DAB1: variants seen among roughly 807,000 people sequenced by gnomAD.
DAB1 encodes disabled homolog 1.
A neutral mutation model predicts 64.6 loss-of-function variants in DAB1; 15 were observed. That is an observed-to-expected ratio of 0.23 (90% CI 0.16 to 0.36). The LOEUF (loss-of-function observed/expected upper bound fraction) is 0.36. DAB1 is among the 10% of genes least tolerant of loss of function. The pLI is 1.00. For synonymous variants in DAB1, 235 were observed against 251.9 expected (o/e 0.93, Z 0.64); for missense variants, 596 against 706.7 (o/e 0.84, Z 1.78).
At position 58,413,312 on chromosome 1, in the gene DAB1, T is replaced by C. The variant is rs1644687573; in HGVS notation, n.258-69909A>G. ...TAAATTCAGCAGGCACCATGCTAGG[T>C]AATTACATTAATTATCTCACTTATT... On this transcript the variant is annotated intron_variant and non_coding_transcript_variant, in intron 3 of 20. Coordinates refer to the DAB1 transcript ENST00000485760. Among the ~76,000 whole-genome samples the C allele has an allele frequency of 1.3e-5, 2 of 152,230 alleles. 1 individual carries two copies. The highest frequency in any genetic ancestry group is 4.1e-4 in the South Asian group (2 of 4,826).
chr1:58,339,816 G>A (rs1263796561), intron 4 of DAB1, among the ~76,000 whole-genome samples: 2 of 152,100 alleles, frequency 1.3e-5, no homozygotes, highest in African/African-American at 4.8e-5. Context: ...AAGATTTTGT[G>A]ACACTATTCA....
At chr1:58,364,087 A>G (rs572863580) in intron 3 of DAB1, among the ~76,000 whole-genome samples, 1 of 152,370 alleles carries the variant, frequency 6.6e-6, no homozygotes, top group African/African-American at 2.4e-5. Flanking sequence ...GAGAATGTTT[A>G]CAGAAGTAGA....
intron 7 of DAB1, among the ~76,000 whole-genome samples, chr1:57,631,995 A>G (rs1248922393): frequency 1.3e-5 from 2 of 152,214 alleles, no homozygotes; most frequent in Non-Finnish European, 2.9e-5. Flanking sequence ...GGAAAGGGTT[A>G]TATCAGGCAC....
chr1:58,223,229 A>G (rs1418790608), intron 4 of DAB1, among the ~76,000 whole-genome samples: 1 of 152,152 alleles, frequency 6.6e-6, no homozygotes. Flanking sequence ...TTGAACCCCG[A>G]ATATCTTATC....
chr1:58,471,271 T>C (rs980210631), intron 3 of DAB1, among the ~76,000 whole-genome samples: 1 of 152,086 alleles, frequency 6.6e-6, no homozygotes, highest in Non-Finnish European at 1.5e-5. Flanking sequence ...ATAAAAGACA[T>C]AGGTAAAAAC....
At chr1:57,159,961 T>G (rs988738679) in intron 2 of DAB1, among the ~76,000 whole-genome samples, 3 of 151,810 alleles carry the variant, frequency 2.0e-5, no homozygotes, top group African/African-American at 7.3e-5. Flanking sequence ...CATGAAGGCT[T>G]GAGGAGCGTA....
chr1:57,186,789 C>T (rs1358738210), intron 2 of DAB1, among the ~76,000 whole-genome samples: 1 of 152,174 alleles, frequency 6.6e-6, no homozygotes, highest in African/African-American at 2.4e-5. Context: ...CAAGTGATGG[C>T]TTGTCTGGAG....
At chr1:57,571,836 G>C (rs866680727) in intron 7 of DAB1, among the ~76,000 whole-genome samples, 2 of 152,326 alleles carry the variant, frequency 1.3e-5, no homozygotes, top group South Asian at 4.1e-4. Context: ...TGGTTACGGA[G>C]CAAGTCACTG....
At chr1:58,036,766 G>A (rs1351435568) in intron 5 of DAB1, among the ~76,000 whole-genome samples, 1 of 152,144 alleles carries the variant, frequency 6.6e-6, no homozygotes, top group African/African-American at 2.4e-5. Flanking sequence ...CAGACATGTG[G>A]AGACTTGGAA....
intron 2 of DAB1, among the ~76,000 whole-genome samples, chr1:57,187,872 C>G (rs1302092920): frequency 1.3e-5 from 2 of 151,870 alleles, no homozygotes; most frequent in Non-Finnish European, 2.9e-5. Flanking sequence ...AAAGAGAGAT[C>G]CCCCACAAAG....
chr1:58,405,718 C>G (rs117754461), intron 3 of DAB1, among the ~76,000 whole-genome samples: 1,710 of 152,262 alleles, frequency 0.011, 51 homozygotes, highest in East Asian at 0.11. Flanking sequence ...ATTGCTGAAT[C>G]CCAGAAGCTA....
chr1:57,165,364 T>G (rs1661131788), intron 2 of DAB1, among the ~76,000 whole-genome samples: 1 of 152,204 alleles, frequency 6.6e-6, no homozygotes, highest in Non-Finnish European at 1.5e-5. Flanking sequence ...ATCTTAATAC[T>G]TCTTAAACCA....
chr1:58,231,287 C>T (rs569623635), intron 4 of DAB1, among the ~76,000 whole-genome samples: 1 of 152,226 alleles, frequency 6.6e-6, no homozygotes, highest in East Asian at 1.9e-4. Context: ...TCAGATATAG[C>T]CCTAAAATAT....
chr1:57,830,306 TACCAAGC>T (rs1652530825), intron 1 of DAB1, among the ~76,000 whole-genome samples: 1 of 152,230 alleles, frequency 6.6e-6, no homozygotes, highest in African/African-American at 2.4e-5. Context: ...TCTTACTCCC[TACCAAGC>T]ACTGTTGAAT....
chr1:57,236,229 G>A (rs1668076965), intron 2 of DAB1, among the ~76,000 whole-genome samples: 1 of 152,172 alleles, frequency 6.6e-6, no homozygotes, highest in African/African-American at 2.4e-5. Flanking sequence ...TGCAGGATCT[G>A]TTTATTTAAC....
intron 5 of DAB1, among the ~76,000 whole-genome samples, chr1:58,144,079 A>C (rs1160584979): frequency 6.6e-6 from 1 of 152,250 alleles, no homozygotes; most frequent in Non-Finnish European, 1.5e-5. Flanking sequence ...GGAAGAATTC[A>C]AAGCTCAACA....
At chr1:58,064,502 C>T (rs1319302058) in intron 5 of DAB1, among the ~76,000 whole-genome samples, 1 of 152,058 alleles carries the variant, frequency 6.6e-6, no homozygotes, top group African/African-American at 2.4e-5. Context: ...ATAAAGGCAG[C>T]CCACTCCCTG....
intron 7 of DAB1, among the ~76,000 whole-genome samples, chr1:57,532,074 T>C (rs545217291): frequency 6.6e-6 from 1 of 152,342 alleles, no homozygotes; most frequent in South Asian, 2.1e-4. Context: ...AATAGGCTTC[T>C]AAAATTCCAG....
chr1:58,344,315 A>T (rs1643970618), intron 3 of DAB1, among the ~76,000 whole-genome samples: 1 of 152,206 alleles, frequency 6.6e-6, no homozygotes, highest in Non-Finnish European at 1.5e-5. Context: ...ATCAGTGATT[A>T]AAGGGGTAAG....
Sources: gnomAD v4.1 joint callset for allele counts (sites outside exome capture counted in the v4.1 genomes callset) on GRCh38, gnomAD v4.1.1 for gene constraint, MANE v1.5 for transcripts, NCBI Gene and HGNC (gene_info 2026-07-23, HGNC 2026-07-21) for gene names.